The following AGAP1 variants were observed in gnomAD, a reference collection of about 807,000 sequenced individuals.
The protein encoded by AGAP1 is arf-GAP with GTPase, ANK repeat and PH domain-containing protein 1.
Under a neutral mutation model 105.3 loss-of-function variants are expected in AGAP1, and 29 were observed. The observed-to-expected ratio is 0.28, with a 90% CI of 0.21 to 0.38. The LOEUF (loss-of-function observed/expected upper bound fraction) is 0.38. Ranked by LOEUF, AGAP1 falls within the 10% of genes least tolerant of loss-of-function variation. The pLI, the probability that AGAP1 is intolerant of heterozygous loss-of-function variation, is 1.00. For missense variants in AGAP1, 998 were observed against 1,165.1 expected, an observed-to-expected ratio of 0.86 and a Z score of 2.09; for synonymous variants, 509 against 485.9, an observed-to-expected ratio of 1.05 and a Z score of -0.63.
intron 1 of AGAP1, among the ~76,000 whole-genome samples, chr2:235,604,669 A>G (rs111766367): frequency 0.026 from 3,231 of 122,328 alleles, 122 homozygotes; most frequent in African/African-American, 0.097. Context: ...TGCAAGCTCC[A>G]CCTCCCAGGT....
chr2:235,632,321 C>T (rs1383937151), intron 1 of AGAP1, among the ~76,000 whole-genome samples: 1 of 152,198 alleles, frequency 6.6e-6, no homozygotes, highest in Non-Finnish European at 1.5e-5. Context: ...TTCTGAGCTT[C>T]AGAGCCTTTG....
At chr2:235,956,870 C>G (rs746967371) in intron 12 of AGAP1, among the ~76,000 whole-genome samples, 1 of 152,208 alleles carries the variant, frequency 6.6e-6, no homozygotes, top group Non-Finnish European at 1.5e-5. Flanking sequence ...TCTGGGGGAA[C>G]CCAGCCACCC....
rs1947739098 is a variant in AGAP1, at chr2:235,655,358, G to A, written c.164-53821G>A. Among the ~76,000 whole-genome samples the A allele has an allele frequency of 6.6e-6, 1 of 152,174 alleles. No individual in the cohort carries two copies. ...AGGTGAAAAAGACAATAGATGGAAA[G>A]CTGGAAAGTGATGTGGCCTGAATTC... On this transcript the variant is annotated intron_variant, in intron 1 of 17. Coordinates refer to ENST00000304032, the MANE Select transcript of AGAP1 (RefSeq NM_001037131.3). The surrounding 1 kb of genome is among the most constrained non-coding windows in gnomAD (Gnocchi z 4.3).
At chr2:235,671,128 A>T in intron 1 of AGAP1, 1 of 1,234,280 alleles carries the variant, frequency 8.1e-7, no homozygotes, top group Non-Finnish European at 1.0e-6. Context: ...CGCAGCGGCT[A>T]TGGGACCCGC....
intron 1 of AGAP1, among the ~76,000 whole-genome samples, chr2:235,675,186 GTTGGT>G (rs1220245368): frequency 8.4e-4 from 107 of 127,170 alleles, no homozygotes; most frequent in South Asian, 1.5e-3. Flanking sequence ...TGGTTGGTTG[GTTGGT>G]TTTTTTTTTT....
intron 1 of AGAP1, among the ~76,000 whole-genome samples, chr2:235,564,932 C>G (rs13031253): frequency 6.9e-6 from 1 of 145,956 alleles, no homozygotes; most frequent in Non-Finnish European, 1.5e-5. Flanking sequence ...CCACCACTCA[C>G]GGCCAGCTGT....
chr2:235,980,566 A>G (rs1009888744), intron 13 of AGAP1, among the ~76,000 whole-genome samples: 7 of 152,162 alleles, frequency 4.6e-5, no homozygotes, highest in African/African-American at 1.4e-4. Flanking sequence ...GACAGGTTCA[A>G]TTATGTGGCC....
At chr2:235,921,352 G>A (rs1303633505) in intron 11 of AGAP1, among the ~76,000 whole-genome samples, 3 of 152,128 alleles carry the variant, frequency 2.0e-5, no homozygotes, top group Non-Finnish European at 4.4e-5. Context: ...CCATAACCAA[G>A]AACAATGTAT....
At chr2:235,853,107 G>A (rs1376794430) in intron 9 of AGAP1, 23 of 1,221,356 alleles carry the variant, frequency 1.9e-5, no homozygotes, top group Non-Finnish European at 2.1e-5. Flanking sequence ...CTTTCTTTGA[G>A]GAACCTTTTT....
At chr2:235,495,093 C>G (rs1464972840) in intron 1 of AGAP1, among the ~76,000 whole-genome samples, 1 of 152,172 alleles carries the variant, frequency 6.6e-6, no homozygotes, top group East Asian at 1.9e-4. Flanking sequence ...ACAATAGAGT[C>G]TCTCCTGCGG....
At chr2:236,093,649 A>G (rs2059120048) in intron 16 of AGAP1, among the ~76,000 whole-genome samples, 1 of 152,190 alleles carries the variant, frequency 6.6e-6, no homozygotes, top group African/African-American at 2.4e-5. Flanking sequence ...TGGGAGAGAA[A>G]TTCAGCCCTA....
Position 235,739,235 on chromosome 2 carries a change from G to A in AGAP1, c.311-1728G>A, listed in dbSNP as rs1304089262. Among the ~76,000 whole-genome samples the A allele has an allele frequency of 6.6e-6, 1 of 152,240 alleles. No individual in the cohort carries two copies. The highest frequency in any genetic ancestry group is 2.4e-5 in the African/African-American group (1 of 41,460). On this transcript the variant is annotated intron_variant, in intron 3 of 17. Coordinates refer to ENST00000304032, the MANE Select transcript of AGAP1 (RefSeq NM_001037131.3). This position sits in a 1 kb window ranked among gnomAD's most constrained non-coding sequence, Gnocchi z 5.3. ...TTCAGGCAGAGCTAGGCCAGTATCG[G>A]GGTCTGGGGGCGACCGTCTGCAGCA...
At chr2:235,827,580 A>T (rs1201280390) in intron 9 of AGAP1, among the ~76,000 whole-genome samples, 1 of 152,170 alleles carries the variant, frequency 6.6e-6, no homozygotes, top group Non-Finnish European at 1.5e-5. Flanking sequence ...GTGTGCCAGG[A>T]TACTTTGCTG....
intron 1 of AGAP1, among the ~76,000 whole-genome samples, chr2:235,646,686 A>T (rs1947398689): frequency 6.6e-6 from 1 of 152,172 alleles, no homozygotes. Context: ...ACCCCTGAAC[A>T]ACAACTAGAG....
In AGAP1 at chr2:235,621,602, T is replaced by C. The variant is rs1201670711; in HGVS notation, c.164-87577T>C. ...CCCAATGGCCCCTGCCCATCATGCA[T>C]TTAGGGGCTCCTCTGACTCCAGATG... On this transcript the variant is annotated intron_variant, in intron 1 of 17. Transcript: ENST00000304032. This position sits in a 1 kb window ranked among gnomAD's most constrained non-coding sequence, Gnocchi z 4.1. Among the ~76,000 whole-genome samples the C allele has an allele frequency of 6.6e-6, 1 of 152,168 alleles. No individual in the cohort carries two copies. The highest frequency in any genetic ancestry group is 1.5e-5 in the Non-Finnish European group (1 of 68,022).
In AGAP1 at chr2:235,714,392, T is replaced by G. The variant is rs988191793; in HGVS notation, c.223-3165T>G. 3.3e-5 allele frequency among the ~76,000 whole-genome samples: 5 copies of G among 151,938 alleles called. No homozygotes were observed. Among genetic ancestry groups the G allele is most frequent in the Non-Finnish European group, 1.5e-5 (1 of 68,010 alleles). On this transcript the variant is annotated intron_variant, in intron 2 of 17. Coordinates refer to ENST00000304032, the MANE Select transcript of AGAP1 (RefSeq NM_001037131.3). This position sits in a 1 kb window ranked among gnomAD's most constrained non-coding sequence, Gnocchi z 4.1. ...GGGAAGCACAAACATTCCTACCATA[T>G]AGTTGAAGGCTTGTCAGAGGAGGTG...
intron 13 of AGAP1, among the ~76,000 whole-genome samples, chr2:236,016,189 C>A (rs2056696623): frequency 6.6e-6 from 1 of 151,896 alleles, no homozygotes; most frequent in South Asian, 2.1e-4. Flanking sequence ...TTGGTATCTT[C>A]TTTCAAAGCA....
At chr2:235,672,056 A>G (rs1174046902) in intron 1 of AGAP1, among the ~76,000 whole-genome samples, 1 of 152,124 alleles carries the variant, frequency 6.6e-6, no homozygotes, top group Non-Finnish European at 1.5e-5. Context: ...CACCAAAAAA[A>G]AAAATATTAT....
intron 1 of AGAP1, among the ~76,000 whole-genome samples, chr2:235,632,057 G>A (rs77740530): frequency 6.6e-6 from 1 of 152,236 alleles, no homozygotes; most frequent in Non-Finnish European, 1.5e-5. Context: ...ATTTTGTTAA[G>A]GGGTAAGAGA....
Sources: allele counts gnomAD v4.1 joint callset (sites outside exome capture counted in the v4.1 genomes callset), GRCh38; gene constraint gnomAD v4.1.1; non-coding constraint Gnocchi (gnomAD v3.1); transcripts MANE v1.5; gene names NCBI Gene and HGNC (gene_info 2026-07-23, HGNC 2026-07-21).